Variants in TGFB2 observed in about 807,000 individuals in gnomAD.
TGFB2 encodes the protein transforming growth factor beta-2 proprotein.
TGFB2 carries 13 observed loss-of-function variants against 42.7 expected under a neutral mutation model. The ratio of observed to expected loss-of-function variants is 0.30; its 90% CI spans 0.20 to 0.48. TGFB2 has a LOEUF of 0.48. TGFB2 is among the 20% of genes least tolerant of loss of function. The pLI, the probability that TGFB2 is intolerant of heterozygous loss-of-function variation, is 0.99. For synonymous variants in TGFB2, 193 were observed against 193.6 expected, an observed-to-expected ratio of 1.00 and a Z score of 0.03; for missense variants, 390 against 517.5, an observed-to-expected ratio of 0.75 and a Z score of 2.39.
intron 1 of TGFB2, among the ~76,000 whole-genome samples, chr1:218,348,489 C>T (rs905548182): frequency 6.6e-6 from 1 of 152,118 alleles, no homozygotes. Context: ...TCCTAGTGAC[C>T]CTTATTTTGC....
At chr1:218,393,919 T>C (rs1405073169) in intron 1 of TGFB2, among the ~76,000 whole-genome samples, 4 of 151,834 alleles carry the variant, frequency 2.6e-5, no homozygotes, top group African/African-American at 7.2e-5. Context: ...CTTTTTTTTT[T>C]TTTTTTAGAC....
rs753391734 is a variant in TGFB2 at position 218,346,918 on chromosome 1, A to G, written c.217A>G (p.Ser73Gly). The G allele has an allele frequency of 6.3e-5, 101 of 1,614,098 alleles. 1 individual carries two copies. The highest frequency in any genetic ancestry group is 5.9e-6 in the Non-Finnish European group (7 of 1,180,046). Residue 73 changes from serine to glycine, a missense_variant, in exon 1 of 7, where the codon AGC becomes GGC. Ser to Gly is a moderately conservative substitution (Grantham distance 56, BLOSUM62 0). Transcript: ENST00000366930. The surrounding 1 kb of genome is among the most constrained non-coding windows in gnomAD (Gnocchi z 4.9). ...CCCGGAGGTGATTTCCATCTACAAC[A>G]GCACCAGGGACTTGCTCCAGGAGAA... Reference protein sequence around the residue: ...VPPEVISIYNSTRDLLQEKAS... With the variant: ...VPPEVISIYNGTRDLLQEKAS...
intron 1 of TGFB2, chr1:218,363,361 C>G (rs2102545919): frequency 6.2e-7 from 1 of 1,614,058 alleles, no homozygotes; most frequent in East Asian, 2.2e-5. Flanking sequence ...ACAACACCCT[C>G]TGGCTCAGTG....
At position 218,346,653 on chromosome 1, in the gene TGFB2, T is replaced by C. The variant is rs1317171395; in HGVS notation, c.-49T>C. 6 of 1,496,138 alleles carry C rather than the reference T, an allele frequency of 4.0e-6. No individual in the cohort carries two copies. The highest frequency in any genetic ancestry group is 5.4e-6 in the Non-Finnish European group (6 of 1,102,430). The allele number at this position is 1,496,138 out of a possible 1,614,324, so 92.7% of individuals were successfully genotyped here. ...TACTTTGAGAATTGTTGATTTCTTT[T>C]TTTTATTCTGACTTTTAAAAACAAC... On this transcript the variant is annotated 5_prime_UTR_variant, in exon 1 of 7. Transcript: ENST00000366930. This position sits in a 1 kb window ranked among gnomAD's most constrained non-coding sequence, Gnocchi z 4.9.
chr1:218,412,612 G>A (rs548179196), intron 2 of TGFB2, among the ~76,000 whole-genome samples: 1 of 152,328 alleles, frequency 6.6e-6, no homozygotes, highest in Admixed American at 6.5e-5. Context: ...TGTGACCTAA[G>A]CTTTCTTAGT....
chr1:218,407,368 C>T (rs572538642), intron 2 of TGFB2, among the ~76,000 whole-genome samples: 2 of 152,324 alleles, frequency 1.3e-5, no homozygotes, highest in African/African-American at 4.8e-5. Context: ...GCATGAGGCA[C>T]TGTGCCTGGC....
At chr1:218,417,701 G>A (rs1659326795) in intron 2 of TGFB2, among the ~76,000 whole-genome samples, 2 of 152,184 alleles carry the variant, frequency 1.3e-5, no homozygotes, top group African/African-American at 4.8e-5. Flanking sequence ...AGGAAAATGT[G>A]GTTTTGTGGG....
intron 1 of TGFB2, among the ~76,000 whole-genome samples, chr1:218,381,806 A>T (rs959910089): frequency 6.6e-6 from 1 of 152,106 alleles, no homozygotes; most frequent in Non-Finnish European, 1.5e-5. Context: ...AGTAGATGAG[A>T]TAGTGCTACT....
chr1:218,408,882 T>G (rs775896576), intron 2 of TGFB2, among the ~76,000 whole-genome samples: 41 of 152,180 alleles, frequency 2.7e-4, no homozygotes, highest in Non-Finnish European at 5.3e-4. Flanking sequence ...TTGTAATATA[T>G]AATGAAATAA....
intron 1 of TGFB2, among the ~76,000 whole-genome samples, chr1:218,364,792 C>G (rs930428541): frequency 1.3e-5 from 2 of 152,030 alleles, no homozygotes; most frequent in African/African-American, 4.8e-5. Flanking sequence ...GTACAGAGAG[C>G]CTCAAAGTGG....
chr1:218,364,054 C>T (rs1657305626), intron 1 of TGFB2, among the ~76,000 whole-genome samples: 3 of 152,074 alleles, frequency 2.0e-5, no homozygotes, highest in African/African-American at 7.2e-5. Context: ...TATGTGTGGC[C>T]CAAGACAATT....
chr1:218,441,277 C>G lies in TGFB2; in HGVS notation c.1160C>G (p.Pro387Arg), dbSNP rs1167424381. ...TGCTGCGTGTCCCAAGATTTAGAAC[C>G]TCTAACCATTCTCTACTACATTGGC... ...SPCCVSQDLE[P>R]LTILYYIGKT... Residue 387 changes from proline to arginine, a missense_variant, in exon 7 of 7, where the codon CCT (proline) becomes CGT (arginine). Physicochemically the swap from Pro to Arg is moderately radical, Grantham distance 103. Transcript: ENST00000366930. The G allele has an allele frequency of 6.2e-7, 1 of 1,613,758 alleles. No homozygotes were observed.
chr1:218,352,767 C>T (rs1175750116), intron 1 of TGFB2, among the ~76,000 whole-genome samples: 4 of 152,172 alleles, frequency 2.6e-5, no homozygotes, highest in Non-Finnish European at 5.9e-5. Context: ...TCTAAATTGC[C>T]TTCTTTTCCT....
chr1:218,441,190 C>A lies in TGFB2; in HGVS notation c.1087-14C>A. On this transcript the variant is annotated splice_polypyrimidine_tract_variant and intron_variant, in intron 6 of 6. Coordinates refer to ENST00000366930, the MANE Select transcript of TGFB2 (RefSeq NM_003238.6). ...CTTTCCCTATGTTGTCTCTCCTCTCCTGTGTCCTTTCAGGTCCTGAGCTTA... is the reference window on the plus strand; with the variant it reads ...CTTTCCCTATGTTGTCTCTCCTCTCATGTGTCCTTTCAGGTCCTGAGCTTA... 6.2e-7 allele frequency: 1 copy of A among 1,600,006 alleles called. No homozygotes were observed. The highest frequency in any genetic ancestry group is 1.1e-5 in the South Asian group (1 of 87,508).
intron 1 of TGFB2, among the ~76,000 whole-genome samples, chr1:218,404,889 C>T (rs2102594447): frequency 6.6e-6 from 1 of 152,314 alleles, no homozygotes; most frequent in Non-Finnish European, 1.5e-5. Context: ...TGATTTCCAC[C>T]AGTCTGTCAG....
chr1:218,405,302 A>G lies in TGFB2; in HGVS notation c.480A>G (p.Arg160=). The G allele has an allele frequency of 6.2e-7, 1 of 1,614,168 alleles. No individual in the cohort carries two copies. Among genetic ancestry groups the G allele is most frequent in the Non-Finnish European group, 8.5e-7 (1 of 1,180,040 alleles). The part of the protein sequence containing the change: ...RVFRLQNPKA[R]VPEQRIELYQ... ...TTCGTTTGCAGAACCCAAAAGCCAGAGTGCCTGAACAACGGATTGAGCTAT... is the reference window on the plus strand; with the variant it reads ...TTCGTTTGCAGAACCCAAAAGCCAGGGTGCCTGAACAACGGATTGAGCTAT... The change falls in exon 2 of 7, where the codon AGA becomes AGG. Residue 160 remains arginine, a synonymous_variant. Coordinates refer to ENST00000366930, the MANE Select transcript of TGFB2 (RefSeq NM_003238.6).
intron 2 of TGFB2, among the ~76,000 whole-genome samples, chr1:218,420,882 C>T (rs563807014): frequency 1.6e-4 from 25 of 152,256 alleles, no homozygotes; most frequent in African/African-American, 6.0e-4. Context: ...ATGTATTCCA[C>T]GGGAGCTGAC....
chr1:218,378,781 T>TTC (rs201497947), intron 1 of TGFB2, among the ~76,000 whole-genome samples: 42 of 151,140 alleles, frequency 2.8e-4, no homozygotes, highest in African/African-American at 1.0e-3. Flanking sequence ...CTGTTTTTTT[T>TTC]TTCTTATACA....
chr1:218,392,039 G>GCAAAAACTGGCTT, intron 1 of TGFB2, among the ~76,000 whole-genome samples: 1 of 152,156 alleles, frequency 6.6e-6, no homozygotes, highest in Non-Finnish European at 1.5e-5. Context: ...AAGAGAAGAT[G>GCAAAAACTGGCTT]CAAAAACTGG....
Sources: allele counts gnomAD v4.1 joint callset (sites outside exome capture counted in the v4.1 genomes callset), GRCh38; gene constraint gnomAD v4.1.1; non-coding constraint Gnocchi (gnomAD v3.1); transcripts MANE v1.5; gene names NCBI Gene and HGNC (gene_info 2026-07-23, HGNC 2026-07-21).